UST: variants seen among roughly 807,000 people sequenced by gnomAD.
UST encodes the protein uronyl 2-sulfotransferase, also known as chondroitin sulfate 2-O-sulfotransferase.
UST carries 21 observed loss-of-function variants against 45.6 expected under a neutral mutation model. That is an observed-to-expected ratio of 0.46 (90% CI 0.33 to 0.66). The LOEUF is 0.66. Among genes scored for constraint, UST ranks in the 30% least tolerant of loss-of-function variants. The pLI is 0.02. For missense variants in UST, 463 were observed against 512.4 expected, an observed-to-expected ratio of 0.90 and a Z score of 0.93; for synonymous variants, 215 against 200.6, an observed-to-expected ratio of 1.07 and a Z score of -0.61.
intron 1 of UST, among the ~76,000 whole-genome samples, chr6:148,814,397 A>T (rs958804006): frequency 6.6e-6 from 1 of 152,174 alleles, no homozygotes; most frequent in Admixed American, 6.5e-5. Context: ...CACACCAGTT[A>T]TGCCTTCTTG....
At chr6:149,013,809 G>A (rs1775855831) in intron 5 of UST, among the ~76,000 whole-genome samples, 1 of 152,216 alleles carries the variant, frequency 6.6e-6, no homozygotes, top group Non-Finnish European at 1.5e-5. Flanking sequence ...GGACAAAACT[G>A]ATCCATGTTT....
At chr6:149,046,689 C>G (rs911986245) in intron 7 of UST, among the ~76,000 whole-genome samples, 4 of 152,196 alleles carry the variant, frequency 2.6e-5, no homozygotes, top group African/African-American at 4.8e-5. Flanking sequence ...TGCCCGTGCA[C>G]CGATGTACAG....
chr6:148,803,561 C>T (rs1777091033), intron 1 of UST, among the ~76,000 whole-genome samples: 1 of 152,196 alleles, frequency 6.6e-6, no homozygotes, highest in South Asian at 2.1e-4. Flanking sequence ...TTCTAACTAG[C>T]TTACCTATAT....
At position 149,074,392 on chromosome 6, in the gene UST, A is replaced by G. The variant is rs1347670618; in HGVS notation, c.*276A>G. The stretch of plus-strand genomic sequence containing the variant: ...ATAAAACAGCTTTCCCCCACCCCAT[A>G]TCATGGGAAAAGGGGGAGAAATATA... On this transcript the variant is annotated 3_prime_UTR_variant, in exon 8 of 8. Coordinates refer to ENST00000367463, the MANE Select transcript of UST (RefSeq NM_005715.3). The G allele has an allele frequency of 6.8e-6, 3 of 442,156 alleles. No individual in the cohort carries two copies. The highest frequency in any genetic ancestry group is 1.2e-5 in the Non-Finnish European group (3 of 247,386). The allele number at this position is 442,156 out of a possible 1,614,324, so 27.4% of individuals were successfully genotyped here.
rs889697125 is a variant in UST at position 148,837,073 on chromosome 6, A to T, written c.248-49913A>T. 2.0e-5 allele frequency among the ~76,000 whole-genome samples: 3 copies of T among 152,218 alleles called. No homozygotes were observed. In the South Asian group the frequency reaches 6.2e-4, roughly 32 times the overall value. The stretch of plus-strand genomic sequence containing the variant: ...AGACTTATAGTTCTCAAATGATCCC[A>T]TGTATACTGATAGGTATTATCAGTA... On this transcript the variant is annotated intron_variant, in intron 1 of 7. Coordinates refer to ENST00000367463, the MANE Select transcript of UST (RefSeq NM_005715.3).
intron 1 of UST, among the ~76,000 whole-genome samples, chr6:148,866,031 A>G (rs1421606210): frequency 1.3e-5 from 2 of 152,054 alleles, no homozygotes; most frequent in African/African-American, 2.4e-5. Context: ...ATGTGTGTGT[A>G]TGTATATATA....
At chr6:148,878,366 GTGTACGAGTGCGGGGGGTCA>G (rs1241656717) in intron 1 of UST, among the ~76,000 whole-genome samples, 2 of 72,592 alleles carry the variant, frequency 2.8e-5, no homozygotes, top group African/African-American at 5.7e-5. Flanking sequence ...TGTGGGGATC[GTGTACGAGTGCGGGGGGTCA>G]TGTACGAGTG....
intron 2 of UST, among the ~76,000 whole-genome samples, chr6:148,929,099 T>C (rs1313846225): frequency 6.6e-6 from 1 of 152,216 alleles, no homozygotes; most frequent in Non-Finnish European, 1.5e-5. Flanking sequence ...GAGATTTTCA[T>C]GAACAGGTGT....
At chr6:148,947,264 T>A (rs1021348310) in intron 3 of UST, among the ~76,000 whole-genome samples, 6 of 152,164 alleles carry the variant, frequency 3.9e-5, no homozygotes, top group African/African-American at 1.4e-4. Context: ...AGGATGTAAA[T>A]AACTCCCACA....
At chr6:148,882,172 A>G (rs992014300) in intron 1 of UST, among the ~76,000 whole-genome samples, 1 of 152,138 alleles carries the variant, frequency 6.6e-6, no homozygotes, top group Non-Finnish European at 1.5e-5. Flanking sequence ...ATGTGCACAG[A>G]AAGAAGCATT....
rs576719225 is a variant in UST, at chr6:148,897,412, A to G, written c.291+10383A>G. Reference sequence around the variant, plus strand: ...CAAACTCCTGACCTCAAGGAGTTTGAGACCTGACCTGCCTGTCTTGGCCTC... The same window carrying G: ...CAAACTCCTGACCTCAAGGAGTTTGGGACCTGACCTGCCTGTCTTGGCCTC... On this transcript the variant is annotated intron_variant, in intron 2 of 7. Transcript: ENST00000367463. Among the ~76,000 whole-genome samples, 4 of 151,900 alleles carry G rather than the reference A, an allele frequency of 2.6e-5. No homozygotes were observed. In the East Asian group the frequency reaches 5.8e-4, roughly 22 times the overall value.
chr6:149,057,315 A>G (rs549808543), intron 7 of UST, among the ~76,000 whole-genome samples: 25 of 152,070 alleles, frequency 1.6e-4, no homozygotes, highest in African/African-American at 6.0e-4. Flanking sequence ...ACTCCTTTAC[A>G]TTCTCAGAGT....
At chr6:149,041,607 A>G (rs1212464207) in intron 7 of UST, among the ~76,000 whole-genome samples, 2 of 152,182 alleles carry the variant, frequency 1.3e-5, no homozygotes, top group Admixed American at 1.3e-4. Context: ...TGTTGGTGAC[A>G]ATCTCTGGTC....
chr6:148,854,914 C>A (rs1778172751), intron 1 of UST, among the ~76,000 whole-genome samples: 2 of 152,190 alleles, frequency 1.3e-5, no homozygotes, highest in South Asian at 2.1e-4. Context: ...TAAAGACATA[C>A]CCGAGACGGG....
intron 4 of UST, among the ~76,000 whole-genome samples, chr6:148,961,065 A>T (rs1451050591): frequency 6.6e-6 from 1 of 152,194 alleles, no homozygotes; most frequent in African/African-American, 2.4e-5. Flanking sequence ...AGAAACATGC[A>T]GTTATGCTTT....
intron 2 of UST, among the ~76,000 whole-genome samples, chr6:148,908,961 C>T (rs1779422853): frequency 6.6e-6 from 1 of 152,176 alleles, no homozygotes; most frequent in African/African-American, 2.4e-5. Flanking sequence ...CAATAGTTTA[C>T]TCTTAATCAT....
At chr6:148,835,882 A>T (rs567534348) in intron 1 of UST, among the ~76,000 whole-genome samples, 4 of 152,280 alleles carry the variant, frequency 2.6e-5, no homozygotes, top group African/African-American at 9.6e-5. Flanking sequence ...GGATGTTAGA[A>T]ACTTTGGTTA....
rs960791915 is a variant in UST, at chr6:149,071,441, C to T, written c.938-2392C>T. ...TATAAAAGAAAATGTGAGGGCAAAT[C>T]TTCATGACCTTGGATTTGGCAATGG... On this transcript the variant is annotated intron_variant, in intron 7 of 7. Coordinates refer to ENST00000367463, the MANE Select transcript of UST (RefSeq NM_005715.3). Among the ~76,000 whole-genome samples, 6 of 152,108 alleles carry T rather than the reference C, an allele frequency of 3.9e-5. 1 individual carries two copies. The highest frequency in any genetic ancestry group is 3.9e-4 in the Admixed American group (6 of 15,294).
At chr6:148,820,015 T>A (rs971033936) in intron 1 of UST, among the ~76,000 whole-genome samples, 1 of 152,210 alleles carries the variant, frequency 6.6e-6, no homozygotes, top group African/African-American at 2.4e-5. Flanking sequence ...GGGTGCCAGC[T>A]TAGTTTCAGG....
Sources: allele counts gnomAD v4.1 joint callset (sites outside exome capture counted in the v4.1 genomes callset), GRCh38; gene constraint gnomAD v4.1.1; transcripts MANE v1.5; gene names NCBI Gene and HGNC (gene_info 2026-07-23, HGNC 2026-07-21).